TTC23: variants seen among roughly 807,000 people sequenced by gnomAD.
The protein encoded by TTC23 is tetratricopeptide repeat protein 23.
Under a neutral mutation model 55.1 loss-of-function variants are expected in TTC23, and 58 were observed. The observed-to-expected ratio is 1.05, with a 90% CI of 0.85 to 1.31. The LOEUF (loss-of-function observed/expected upper bound fraction) is 1.31. Ranked by LOEUF, TTC23 falls within the 50% of genes most tolerant of loss-of-function variation. TTC23 has a pLI of 0.00. For synonymous variants in TTC23, 203 were observed against 199.9 expected (o/e 1.02, Z -0.13); for missense variants, 516 against 534.4 (o/e 0.97, Z 0.34).
chr15:99,245,724 C>A (rs1300509325), intron 1 of TTC23, among the ~76,000 whole-genome samples: 1 of 151,466 alleles, frequency 6.6e-6, no homozygotes, highest in Non-Finnish European at 1.5e-5. Context: ...ACACCTCACA[C>A]CATATACAAA....
intron 10 of TTC23, among the ~76,000 whole-genome samples, chr15:99,163,008 A>G (rs2071579743): frequency 6.6e-6 from 1 of 152,064 alleles, no homozygotes; most frequent in Non-Finnish European, 1.5e-5. Flanking sequence ...GTTTGAGCCC[A>G]GGAGGTTGAG....
Position 99,221,764 on chromosome 15 carries a change from G to C in TTC23, c.281C>G (p.Ala94Gly), listed in dbSNP as rs1445799560. The change falls in exon 6 of 14, where the codon GCT (alanine) becomes GGT (glycine). Residue 94 changes from alanine to glycine, a missense_variant. By Grantham distance (60) the Ala-to-Gly change is moderately conservative. Transcript: ENST00000394132. ...ACCTTTCAGCTGGAGGTAGCCTTGA[G>C]CCAGATTAACATGTGCCTCTGCTAG... is the stretch of plus-strand genomic sequence containing the variant. ...WKLAEAHVNL[A>G]QGYLQLKGLS... The C allele has an allele frequency of 1.3e-5, 21 of 1,613,968 alleles. No homozygotes were observed. Among genetic ancestry groups the C allele is most frequent in the Admixed American group, 8.3e-5 (5 of 60,002 alleles).
At chr15:99,151,689 C>T (rs546633665) in intron 12 of TTC23, among the ~76,000 whole-genome samples, 16 of 152,206 alleles carry the variant, frequency 1.1e-4, no homozygotes, top group Non-Finnish European at 2.1e-4. Flanking sequence ...CTCCTACTGT[C>T]CCAATCTTGG....
chr15:99,142,495 G>A (rs1338918043), intron 12 of TTC23, among the ~76,000 whole-genome samples: 3 of 151,972 alleles, frequency 2.0e-5, no homozygotes, highest in Admixed American at 1.3e-4. Context: ...GTCACTGCTT[G>A]TTGTTAATTC....
chr15:99,145,991 C>T (rs1555493074), intron 12 of TTC23, among the ~76,000 whole-genome samples: 1 of 152,160 alleles, frequency 6.6e-6, no homozygotes, highest in African/African-American at 2.4e-5. Context: ...GGATGTCATC[C>T]TTGCTGTCTC....
chr15:99,182,075 C>T (rs183531357), intron 9 of TTC23, among the ~76,000 whole-genome samples: 73 of 152,098 alleles, frequency 4.8e-4, no homozygotes, highest in Non-Finnish European at 8.8e-4. Context: ...AAGAGTATTA[C>T]CTGCATAGAA....
chr15:99,168,714 C>G (rs1567379660), intron 10 of TTC23, among the ~76,000 whole-genome samples: 1 of 152,154 alleles, frequency 6.6e-6, no homozygotes, highest in Admixed American at 6.5e-5. Context: ...GAGGTTTCAG[C>G]TCTGCCCCAG....
chr15:99,200,326 T>C (rs1044293774), intron 8 of TTC23, among the ~76,000 whole-genome samples: 1 of 152,168 alleles, frequency 6.6e-6, no homozygotes, highest in African/African-American at 2.4e-5. Flanking sequence ...AGATGTACGA[T>C]CTTCCAGTCA....
intron 1 of TTC23, among the ~76,000 whole-genome samples, chr15:99,245,991 G>A (rs2080211021): frequency 1.3e-5 from 2 of 151,936 alleles, no homozygotes; most frequent in Non-Finnish European, 1.5e-5. Flanking sequence ...GCTAATTTTA[G>A]TAGAGACGGG....
intron 9 of TTC23, among the ~76,000 whole-genome samples, chr15:99,189,096 G>A (rs960393990): frequency 6.6e-6 from 1 of 151,976 alleles, no homozygotes; most frequent in African/African-American, 2.4e-5. Flanking sequence ...AAACTATTTG[G>A]AAAAAACCCA....
At chr15:99,239,987 A>G (rs1417679547) in intron 3 of TTC23, among the ~76,000 whole-genome samples, 1 of 152,212 alleles carries the variant, frequency 6.6e-6, no homozygotes, top group Non-Finnish European at 1.5e-5. Flanking sequence ...TCTTCTCATA[A>G]TTTGGGGGTT....
intron 4 of TTC23, among the ~76,000 whole-genome samples, chr15:99,233,673 G>A (rs957111718): frequency 3.3e-5 from 5 of 152,028 alleles, no homozygotes; most frequent in African/African-American, 7.2e-5. Context: ...TTATCTCTAC[G>A]ATCAGAAACA....
chr15:99,198,511 C>G (rs1217984272), intron 9 of TTC23, among the ~76,000 whole-genome samples: 1 of 152,204 alleles, frequency 6.6e-6, no homozygotes, highest in Non-Finnish European at 1.5e-5. Context: ...CAATAGCTTC[C>G]TAAGTGGTCT....
intron 3 of TTC23, among the ~76,000 whole-genome samples, chr15:99,237,702 G>A (rs760063652): frequency 6.6e-6 from 1 of 152,174 alleles, no homozygotes; most frequent in Non-Finnish European, 1.5e-5. Flanking sequence ...GTGGAGAGGA[G>A]GGATTACAAG....
At chr15:99,183,882 G>A (rs1172033730) in intron 9 of TTC23, among the ~76,000 whole-genome samples, 1 of 152,116 alleles carries the variant, frequency 6.6e-6, no homozygotes, top group African/African-American at 2.4e-5. Context: ...CAGGCCCTGA[G>A]ACCTAGGAGG....
chr15:99,234,364 C>CTATT (rs200273203), intron 4 of TTC23, among the ~76,000 whole-genome samples: 27 of 151,764 alleles, frequency 1.8e-4, no homozygotes, highest in African/African-American at 3.9e-4. Context: ...ATTTATTTAT[C>CTATT]TATTTATTTA....
intron 9 of TTC23, among the ~76,000 whole-genome samples, chr15:99,189,851 A>C (rs1396371577): frequency 2.0e-5 from 3 of 152,172 alleles, no homozygotes; most frequent in Non-Finnish European, 4.4e-5. Flanking sequence ...TAATTGGGAC[A>C]ATGGACAAAA....
At chr15:99,164,124 C>G (rs1266942745) in intron 10 of TTC23, among the ~76,000 whole-genome samples, 1 of 152,192 alleles carries the variant, frequency 6.6e-6, no homozygotes, top group Non-Finnish European at 1.5e-5. Flanking sequence ...GAAACCAGCA[C>G]AGAAACTAGT....
chr15:99,154,088 C>G lies in TTC23; in HGVS notation c.1143+2060G>C, dbSNP rs191073307. ...TTGTAAAAGAAATAGAGAAAATTGT[C>G]AAGGAATTTCCCTACAAAAGAAGCA... On this transcript the variant is annotated intron_variant, in intron 12 of 13. Transcript: ENST00000394132. Among the ~76,000 whole-genome samples, 26 of 152,250 alleles carry G rather than the reference C, an allele frequency of 1.7e-4. 1 individual carries two copies. The highest frequency in any genetic ancestry group is 1.0e-3 in the Admixed American group (16 of 15,282).
Sources: allele counts gnomAD v4.1 joint callset (sites outside exome capture counted in the v4.1 genomes callset), GRCh38; gene constraint gnomAD v4.1.1; transcripts MANE v1.5; gene names NCBI Gene and HGNC (gene_info 2026-07-23, HGNC 2026-07-21).